Variants in CAPN5 observed in about 807,000 individuals in gnomAD.
The protein encoded by CAPN5 is calpain 5, also known as calpain-5.
Under a neutral mutation model 73.0 loss-of-function variants are expected in CAPN5, and 54 were observed. That is an observed-to-expected ratio of 0.74 (90% CI 0.59 to 0.93). The LOEUF (loss-of-function observed/expected upper bound fraction) is 0.93. Among genes scored for constraint, CAPN5 ranks in the 40% least tolerant of loss-of-function variants. CAPN5 has a pLI of 0.00. For missense variants in CAPN5, 785 were observed against 882.9 expected (o/e 0.89, Z 1.41); for synonymous variants, 335 against 356.9 (o/e 0.94, Z 0.69).
intron 3 of CAPN5, among the ~76,000 whole-genome samples, chr11:77,100,891 G>A (rs953978369): frequency 3.9e-5 from 6 of 152,082 alleles, no homozygotes; most frequent in Admixed American, 1.3e-4. Flanking sequence ...ACCTTCAGCC[G>A]CCTCAGTCAC....
chr11:77,074,919 C>T (rs1161488762), intron 1 of CAPN5, among the ~76,000 whole-genome samples: 3 of 152,194 alleles, frequency 2.0e-5, no homozygotes, highest in South Asian at 2.1e-4. Flanking sequence ...CTCTCCCACT[C>T]GGCCCTGGAA....
At chr11:77,087,904 C>G in intron 2 of CAPN5, 2 of 1,535,862 alleles carry the variant, frequency 1.3e-6, no homozygotes, top group Non-Finnish European at 1.7e-6. Flanking sequence ...AGCCCACACC[C>G]TTCACCCACA....
intron 7 of CAPN5, 41 bp from the exon 8 acceptor site, chr11:77,118,116 G>C (rs782184606): frequency 6.4e-7 from 1 of 1,566,732 alleles, no homozygotes; most frequent in Non-Finnish European, 8.7e-7. Context: ...GCCTGGGGAG[G>C]TGTGGGGGAG....
intron 3 of CAPN5, among the ~76,000 whole-genome samples, chr11:77,100,843 C>G (rs1213738727): frequency 6.6e-6 from 1 of 152,208 alleles, no homozygotes; most frequent in African/African-American, 2.4e-5. Context: ...GCCCTTTTAC[C>G]CTTGTCTTAG....
At chr11:77,097,532 G>C (rs1167261824) in intron 3 of CAPN5, among the ~76,000 whole-genome samples, 5 of 126,268 alleles carry the variant, frequency 4.0e-5, no homozygotes, top group Admixed American at 8.1e-5. Flanking sequence ...GGATTTGGCA[G>C]GGTCATGGGA....
At chr11:77,067,957 C>T (rs1344443181) in intron 1 of CAPN5, among the ~76,000 whole-genome samples, 1 of 152,056 alleles carries the variant, frequency 6.6e-6, no homozygotes, top group African/African-American at 2.4e-5. Flanking sequence ...CCGGGTCCGC[C>T]TGGCTCTCAT....
rs782018659 is a variant in CAPN5, at chr11:77,112,575, C to G, written c.298-14C>G. ...ACTGTGTTCCCCCATCCTATCCCCC[C>G]TCCCCCTACCCAGGTCATCCCAGAC... On this transcript the variant is annotated splice_polypyrimidine_tract_variant and intron_variant, in intron 3 of 12. Transcript: ENST00000648180. The G allele has an allele frequency of 1.6e-5, 26 of 1,610,056 alleles. No homozygotes were observed. Among genetic ancestry groups the G allele is most frequent in the Admixed American group, 3.3e-5 (2 of 60,006 alleles).
At position 77,124,394 on chromosome 11, in the gene CAPN5, T is replaced by A. The variant is rs1156534363; in HGVS notation, c.*524T>A. The stretch of plus-strand genomic sequence containing the variant: ...ATGCAGGTGACATTTGTTCATTCTC[T>A]AATCCCATCCTCTCACCCATCCATT... On this transcript the variant is annotated 3_prime_UTR_variant, in exon 13 of 13. Transcript: ENST00000648180. 2 of 157,366 alleles carry A rather than the reference T, an allele frequency of 1.3e-5. No homozygotes were observed. Among genetic ancestry groups the A allele is most frequent in the Non-Finnish European group, 2.8e-5 (2 of 70,830 alleles). The allele number at this position is 157,366 out of a possible 1,614,324, so 9.7% of individuals were successfully genotyped here.
In CAPN5 at chr11:77,068,659, G is replaced by A. The variant is rs142504894; in HGVS notation, c.-36+1565G>A. Among the ~76,000 whole-genome samples, 328 of 152,302 alleles carry A rather than the reference G, an allele frequency of 2.2e-3. 2 individuals are homozygous for A. The highest frequency in any genetic ancestry group is 7.8e-3 in the African/African-American group (324 of 41,572). On this transcript the variant is annotated intron_variant, in intron 1 of 12. Transcript: ENST00000648180. ...GGGCTTCCACTGAGGGCTATAAGGA[G>A]GAGGCCAAAGCAGGGAGAGGGCCCT... is the stretch of plus-strand genomic sequence containing the variant.
At chr11:77,071,612 G>C (rs1049744117) in intron 1 of CAPN5, 3 of 453,898 alleles carry the variant, frequency 6.6e-6, no homozygotes, top group Non-Finnish European at 1.3e-5. Flanking sequence ...TTTTACAGAT[G>C]AGAATTCTGA....
At position 77,093,813 on chromosome 11, in the gene CAPN5, G is replaced by A. The variant is rs1555037054; in HGVS notation, c.297G>A (p.Lys99=). Residue 99 remains lysine, a splice_region_variant and synonymous_variant, in exon 3 of 13, where the codon AAG becomes AAA. Transcript: ENST00000648180. ...CCTCCCGGGAGTCGCTGTGGCAAAA[G>A]GTGAGGCCTCGGGCAGAGTGGGCAG... The part of the protein sequence containing the change: ...SLASRESLWQ[K]VIPDWKEQEW... The A allele has an allele frequency of 6.2e-7, 1 of 1,609,612 alleles. No homozygotes were observed. Among genetic ancestry groups the A allele is most frequent in the Admixed American group, 1.7e-5 (1 of 60,016 alleles).
chr11:77,119,383 G>A (rs1291854178), intron 9 of CAPN5: 2 of 559,218 alleles, frequency 3.6e-6, no homozygotes, highest in African/African-American at 3.8e-5. Context: ...ATTTCTTTCT[G>A]CCTAAGACCC....
Position 77,124,108 on chromosome 11 carries a change from CA to C in CAPN5, c.*240del, listed in dbSNP as rs1441680452. 1 of 557,254 alleles carries C rather than the reference CA, an allele frequency of 1.8e-6. No individual in the cohort carries two copies. Among genetic ancestry groups the C allele is most frequent in the African/African-American group, 1.9e-5 (1 of 53,138 alleles). 34.5% of individuals were successfully genotyped at this position (557,254 alleles called of 1,614,324 possible). The stretch of plus-strand genomic sequence containing the variant: ...AGATTTCAAATAGTCCTCCCCACCT[CA>C]ACTGTCACCACTGCTAAGGGACTCT... On this transcript the variant is annotated 3_prime_UTR_variant, in exon 13 of 13. Transcript: ENST00000648180.
At chr11:77,087,177 TGTAGGCA>T (rs1252107197) in intron 2 of CAPN5, among the ~76,000 whole-genome samples, 1 of 152,246 alleles carries the variant, frequency 6.6e-6, no homozygotes, top group African/African-American at 2.4e-5. Context: ...AAACCATGTG[TGTAGGCA>T]CTGCCTACTG....
intron 3 of CAPN5, among the ~76,000 whole-genome samples, chr11:77,105,719 C>G (rs954849214): frequency 1.3e-4 from 20 of 152,180 alleles, no homozygotes; most frequent in Admixed American, 1.3e-4. Context: ...CCTTCCAGCC[C>G]CACCCTCCAG....
At chr11:77,116,334 G>T in intron 7 of CAPN5, 31 bp downstream of exon 7, 1 of 1,579,100 alleles carries the variant, frequency 6.3e-7, no homozygotes, top group Non-Finnish European at 8.7e-7. Context: ...GGCGTCCGGG[G>T]CTGAGGGGGC....
At chr11:77,067,670 T>TGTGTGTGTGTGTG (rs1565251294) in intron 1 of CAPN5, among the ~76,000 whole-genome samples, 1 of 141,678 alleles carries the variant, frequency 7.1e-6, no homozygotes, top group African/African-American at 2.7e-5. Flanking sequence ...TGTGTGTGTG[T>TGTGTGTGTGTGTG]TGCGGGAGTG....
Position 77,114,305 on chromosome 11 carries a change from G to C in CAPN5, c.570G>C (p.Thr190=). ...CAGCAGACGCACTGGTGGACTTCAC[G>C]GGTGGTGTTTCTGAGCCCATCGACC... ...GNTADALVDF[T]GGVSEPIDLT... Residue 190 remains threonine (T), a synonymous_variant, in exon 5 of 13, where the codon ACG becomes ACC. Coordinates refer to ENST00000648180, the MANE Select transcript of CAPN5 (RefSeq NM_004055.5). 9 of 1,614,184 alleles carry C rather than the reference G, an allele frequency of 5.6e-6. No homozygotes were observed. Among genetic ancestry groups the C allele is most frequent in the Non-Finnish European group, 7.6e-6 (9 of 1,180,030 alleles).
At chr11:77,122,815 C>A in intron 12 of CAPN5, 103 bp downstream of exon 12, 3 of 1,446,180 alleles carry the variant, frequency 2.1e-6, no homozygotes, top group South Asian at 1.2e-5. Context: ...AGGACCCAGG[C>A]ATGCTGGGCT....
Sources: allele counts gnomAD v4.1 joint callset (sites outside exome capture counted in the v4.1 genomes callset), GRCh38; gene constraint gnomAD v4.1.1; transcripts MANE v1.5; gene names NCBI Gene and HGNC (gene_info 2026-07-23, HGNC 2026-07-21).